Variants in MLIP observed in about 807,000 individuals in gnomAD.
MLIP encodes muscular LMNA interacting protein, also known as muscular LMNA-interacting protein.
In MLIP, 79 loss-of-function variants were observed where a neutral mutation model predicts 84.8. The observed-to-expected ratio is 0.93, with a 90% CI of 0.78 to 1.12. The LOEUF (loss-of-function observed/expected upper bound fraction) is 1.12, where lower values mean the gene tolerates loss of function less well. MLIP is among the 50% of genes most tolerant of loss of function. The probability of loss-of-function intolerance (pLI) is 0.00; values close to 1 mark genes in which losing one functional copy is unlikely to be tolerated. For missense variants in MLIP, 1,257 were observed against 1,160.6 expected (o/e 1.08, Z -1.21); for synonymous variants, 504 against 463.0 (o/e 1.09, Z -1.14).
At chr6:54,093,390 A>ATTC (rs1044960304) in intron 1 of MLIP, among the ~76,000 whole-genome samples, 1 of 142,692 alleles carries the variant, frequency 7.0e-6, no homozygotes, top group Non-Finnish European at 1.5e-5. Context: ...ATTCTATTCT[A>ATTC]TTCTTCTTTT....
At chr6:54,072,750 A>C (rs190197564) in intron 1 of MLIP, among the ~76,000 whole-genome samples, 1 of 152,222 alleles carries the variant, frequency 6.6e-6, no homozygotes, top group East Asian at 1.9e-4. Flanking sequence ...TGAGTCTGTC[A>C]TCAGAAATAA....
At chr6:54,074,701 C>T (rs908464179) in intron 1 of MLIP, among the ~76,000 whole-genome samples, 3 of 152,080 alleles carry the variant, frequency 2.0e-5, no homozygotes. Flanking sequence ...ACGGGGACAC[C>T]AGTCTTGAGT....
intron 9 of MLIP, among the ~76,000 whole-genome samples, chr6:54,180,685 GT>G (rs1383782203): frequency 6.6e-6 from 1 of 151,934 alleles, no homozygotes; most frequent in African/African-American, 2.4e-5. Flanking sequence ...GCTTGATTTT[GT>G]TTTAATTATT....
intron 12 of MLIP, among the ~76,000 whole-genome samples, chr6:54,252,307 A>G (rs1782670851): frequency 8.4e-6 from 1 of 118,798 alleles, no homozygotes; most frequent in Non-Finnish European, 1.6e-5. Context: ...TATAATATAT[A>G]ATATAACTAT....
At chr6:54,232,480 G>A (rs1781074038) in intron 12 of MLIP, among the ~76,000 whole-genome samples, 1 of 152,052 alleles carries the variant, frequency 6.6e-6, no homozygotes, top group Non-Finnish European at 1.5e-5. Context: ...TGTGAGATTT[G>A]TTGATACTGA....
At chr6:54,189,818 A>G in intron 9 of MLIP, 52 bp from the exon 10 acceptor site, 1 of 1,350,262 alleles carries the variant, frequency 7.4e-7, no homozygotes, top group Non-Finnish European at 1.1e-6. Flanking sequence ...ACACATACAT[A>G]TTTTAATAAA....
intron 13 of MLIP, among the ~76,000 whole-genome samples, chr6:54,265,107 G>A (rs374099014): frequency 3.9e-5 from 6 of 151,952 alleles, no homozygotes; most frequent in East Asian, 3.9e-4. Context: ...CAGGCATTTC[G>A]GAAGGTTCCC....
At chr6:54,142,982 C>G (rs1772449631) in intron 4 of MLIP, among the ~76,000 whole-genome samples, 1 of 152,044 alleles carries the variant, frequency 6.6e-6, no homozygotes, top group East Asian at 1.9e-4. Flanking sequence ...TTTTATCTCA[C>G]TGTCATTTAC....
intron 12 of MLIP, among the ~76,000 whole-genome samples, chr6:54,243,313 G>A (rs1383454302): frequency 6.6e-6 from 1 of 152,122 alleles, no homozygotes; most frequent in African/African-American, 2.4e-5. Context: ...TACAGAAAAG[G>A]AACAGAGCAA....
chr6:54,025,625 T>C (rs1324336953), intron 1 of MLIP, among the ~76,000 whole-genome samples: 2 of 152,208 alleles, frequency 1.3e-5, no homozygotes, highest in African/African-American at 4.8e-5. Flanking sequence ...AGAGTAGCAA[T>C]GACTCTTGCT....
At chr6:54,210,105 G>A (rs1422470237) in intron 11 of MLIP, among the ~76,000 whole-genome samples, 1 of 152,262 alleles carries the variant, frequency 6.6e-6, no homozygotes, top group South Asian at 2.1e-4. Context: ...CTGGCCTCAG[G>A]AATTCTCCCT....
intron 1 of MLIP, among the ~76,000 whole-genome samples, chr6:54,082,128 A>T (rs1379195071): frequency 6.6e-6 from 1 of 152,078 alleles, no homozygotes; most frequent in Non-Finnish European, 1.5e-5. Context: ...TAATTTGATT[A>T]TTTTTAGAAT....
At chr6:54,058,926 T>C (rs1582050875) in intron 1 of MLIP, 1 of 152,230 alleles carries the variant, frequency 6.6e-6, no homozygotes, top group Non-Finnish European at 1.5e-5. Context: ...ACTTACCTTC[T>C]ACTTCCACTG....
chr6:54,037,938 CTGA>C (rs963076875), intron 1 of MLIP, among the ~76,000 whole-genome samples: 3 of 151,886 alleles, frequency 2.0e-5, no homozygotes, highest in Non-Finnish European at 4.4e-5. Context: ...ATAATATCTA[CTGA>C]TGATATTTTT....
At chr6:54,086,217 T>C (rs1311729726) in intron 1 of MLIP, among the ~76,000 whole-genome samples, 1 of 152,164 alleles carries the variant, frequency 6.6e-6, no homozygotes, top group East Asian at 1.9e-4. Flanking sequence ...TCTCTATATC[T>C]TTATAACTTC....
intron 1 of MLIP, among the ~76,000 whole-genome samples, chr6:54,033,712 C>A (rs984644127): frequency 6.6e-6 from 1 of 152,066 alleles, no homozygotes; most frequent in Admixed American, 6.6e-5. Context: ...CCCATCACCC[C>A]TTTATGATGA....
chr6:54,031,719 T>C (rs1327991827), intron 1 of MLIP: 1 of 152,128 alleles, frequency 6.6e-6, no homozygotes, highest in Non-Finnish European at 1.5e-5. Context: ...AAGAGACAGA[T>C]GAGATATGGT....
At chr6:54,127,374 A>T (rs1211032989) in intron 3 of MLIP, among the ~76,000 whole-genome samples, 1 of 152,126 alleles carries the variant, frequency 6.6e-6, no homozygotes, top group Non-Finnish European at 1.5e-5. Flanking sequence ...TGCCTTACAT[A>T]TAAAGGGGGT....
intron 13 of MLIP, 56 bp from the exon 14 acceptor site, chr6:54,265,894 G>T: frequency 1.3e-6 from 2 of 1,513,792 alleles, no homozygotes; most frequent in Non-Finnish European, 1.8e-6. Flanking sequence ...ATTTTCAGGT[G>T]TATATTTTTA....
Sources: allele counts gnomAD v4.1 joint callset (sites outside exome capture counted in the v4.1 genomes callset), GRCh38; gene constraint gnomAD v4.1.1; transcripts MANE v1.5; gene names NCBI Gene and HGNC (gene_info 2026-07-23, HGNC 2026-07-21).